TBC1D19: variants seen among roughly 807,000 people sequenced by gnomAD.
TBC1D19 encodes the protein TBC1 domain family, member 19.
TBC1D19 carries 60 observed loss-of-function variants against 89.0 expected under a neutral mutation model. The ratio of observed to expected loss-of-function variants is 0.67; its 90% CI spans 0.55 to 0.84. The LOEUF is 0.84. Ranked by LOEUF, TBC1D19 falls within the 40% of genes least tolerant of loss-of-function variation. The pLI is 0.00. For missense variants in TBC1D19, 500 were observed against 610.8 expected (o/e 0.82, Z 1.91); for synonymous variants, 189 against 199.7 (o/e 0.95, Z 0.45).
intron 1 of TBC1D19, among the ~76,000 whole-genome samples, chr4:26,590,796 G>GTTTTTTTTT (rs869124166): frequency 0.01 from 543 of 52,932 alleles, 89 homozygotes; most frequent in Middle Eastern, 0.048. Flanking sequence ...TTGCAGGTCT[G>GTTTTTTTTT]TTTTTTTTTT....
At chr4:26,681,798 A>G (rs1713370066) in intron 11 of TBC1D19, among the ~76,000 whole-genome samples, 1 of 152,198 alleles carries the variant, frequency 6.6e-6, no homozygotes, top group Non-Finnish European at 1.5e-5. Context: ...TTTAACAAGA[A>G]GGAAAACCAT....
intron 4 of TBC1D19, among the ~76,000 whole-genome samples, chr4:26,631,615 G>A (rs1006165174): frequency 2.0e-5 from 3 of 151,848 alleles, no homozygotes; most frequent in Admixed American, 2.0e-4. Context: ...TCTGTTCCGG[G>A]TCATTTCTAA....
At chr4:26,680,241 A>G (rs938743452) in intron 11 of TBC1D19, among the ~76,000 whole-genome samples, 24 of 152,226 alleles carry the variant, frequency 1.6e-4, no homozygotes, top group Non-Finnish European at 1.5e-5. Flanking sequence ...CAGCATGATA[A>G]TGGACTAATA....
intron 4 of TBC1D19, among the ~76,000 whole-genome samples, chr4:26,632,786 C>G (rs1742881586): frequency 6.6e-6 from 1 of 152,130 alleles, no homozygotes; most frequent in Non-Finnish European, 1.5e-5. Context: ...GATATGGACA[C>G]TGAAGTCAAA....
At chr4:26,781,346 T>A in the TBC1D19 span, among the ~76,000 whole-genome samples, 2 of 152,196 alleles carry the variant, frequency 1.3e-5, no homozygotes, top group Non-Finnish European at 2.9e-5. Flanking sequence ...GGTTACCTGG[T>A]TCTCTGCAAC....
At chr4:26,844,279 C>A in the TBC1D19 span, among the ~76,000 whole-genome samples, 20 of 152,196 alleles carry the variant, frequency 1.3e-4, no homozygotes, top group African/African-American at 4.6e-4. Flanking sequence ...CAGCCCTCTG[C>A]CCCATCCTAG....
intron 1 of TBC1D19, among the ~76,000 whole-genome samples, chr4:26,598,164 A>T (rs1405563007): frequency 6.6e-6 from 1 of 152,212 alleles, no homozygotes; most frequent in Non-Finnish European, 1.5e-5. Context: ...TGAAGAGATG[A>T]TAGTATTACA....
the TBC1D19 span, among the ~76,000 whole-genome samples, chr4:26,794,000 A>G: frequency 6.6e-6 from 1 of 152,176 alleles, no homozygotes; most frequent in Non-Finnish European, 1.5e-5. Flanking sequence ...CTGATTAGCT[A>G]GTCTTGAGTT....
At chr4:26,846,845 G>A in the TBC1D19 span, among the ~76,000 whole-genome samples, 1 of 152,158 alleles carries the variant, frequency 6.6e-6, no homozygotes. Flanking sequence ...CTTATTGAGA[G>A]TATGTCTACC....
rs1314626650 is a variant in TBC1D19, at chr4:26,620,702, C to T, written c.294+14C>T. Reference sequence around the variant, plus strand: ...AGGAAAGCACAGGTTGGCTATTGTTCAATTTCATTTTATTTTTTCATGCCA... The same window carrying T: ...AGGAAAGCACAGGTTGGCTATTGTTTAATTTCATTTTATTTTTTCATGCCA... On this transcript the variant is annotated intron_variant, in intron 4 of 20. Transcript: ENST00000264866. 1 of 1,610,470 alleles carries T rather than the reference C, an allele frequency of 6.2e-7. No individual in the cohort carries two copies. Among genetic ancestry groups the T allele is most frequent in the Middle Eastern group, 1.7e-4 (1 of 6,040 alleles).
At chr4:26,764,878 G>A in the TBC1D19 span, among the ~76,000 whole-genome samples, 1 of 152,166 alleles carries the variant, frequency 6.6e-6, no homozygotes, top group Admixed American at 6.6e-5. Flanking sequence ...GTCAGAATGT[G>A]ATATTTGCAT....
the TBC1D19 span, among the ~76,000 whole-genome samples, chr4:26,793,722 C>CAAAAA: frequency 2.2e-4 from 17 of 78,910 alleles, no homozygotes; most frequent in East Asian, 4.8e-4. Flanking sequence ...GACTTCGTCT[C>CAAAAA]AAAAAAAAAA....
intron 13 of TBC1D19, among the ~76,000 whole-genome samples, 175 bp downstream of exon 13, chr4:26,688,582 TAGG>T (rs1395468630): frequency 6.6e-6 from 1 of 152,102 alleles, no homozygotes; most frequent in Non-Finnish European, 1.5e-5. Flanking sequence ...TGAAATTAGA[TAGG>T]AGAATAAGAG....
chr4:26,715,468 A>T (rs1716529483), intron 13 of TBC1D19, among the ~76,000 whole-genome samples: 2 of 152,116 alleles, frequency 1.3e-5, no homozygotes, highest in South Asian at 4.1e-4. Context: ...GGAGACGAGG[A>T]TACCAAAGGA....
chr4:26,809,231 A>G, the TBC1D19 span, among the ~76,000 whole-genome samples: 1 of 152,076 alleles, frequency 6.6e-6, no homozygotes, highest in Admixed American at 6.6e-5. Context: ...TGAGCTCTCC[A>G]CTTCTCTCCC....
At chr4:26,825,897 T>C in the TBC1D19 span, among the ~76,000 whole-genome samples, 1 of 152,164 alleles carries the variant, frequency 6.6e-6, no homozygotes, top group South Asian at 2.1e-4. Context: ...CTATTAGTAA[T>C]GGCATATGAA....
rs528140369 is a variant in TBC1D19, at chr4:26,685,006, G to T, written c.891+1257G>T. Among the ~76,000 whole-genome samples, 7 of 152,312 alleles carry T rather than the reference G, an allele frequency of 4.6e-5. No homozygotes were observed. The East Asian group carries it at 1.3e-3, about 29-fold the overall frequency. ...AATAACAGAGCTTATGGGCAAAACA[G>T]GGTTGGGGTAGACCCACTCAAAATT... On this transcript the variant is annotated intron_variant, in intron 12 of 20. Coordinates refer to ENST00000264866, the MANE Select transcript of TBC1D19 (RefSeq NM_018317.4).
chr4:26,609,742 A>C (rs982071060), intron 1 of TBC1D19, among the ~76,000 whole-genome samples: 1 of 152,174 alleles, frequency 6.6e-6, no homozygotes, highest in African/African-American at 2.4e-5. Flanking sequence ...CACAGCTGGG[A>C]AAGACTTATG....
chr4:26,655,254 C>T (rs28766106), intron 7 of TBC1D19, among the ~76,000 whole-genome samples: 7,816 of 152,200 alleles, frequency 0.051, 704 homozygotes, highest in African/African-American at 0.18. Flanking sequence ...GAGGAGTACC[C>T]GGCCATGTGA....
Sources: allele counts gnomAD v4.1 joint callset (sites outside exome capture counted in the v4.1 genomes callset), GRCh38; gene constraint gnomAD v4.1.1; transcripts MANE v1.5; gene names NCBI Gene and HGNC (gene_info 2026-07-23, HGNC 2026-07-21).